The following BAZ2B variants were observed in gnomAD, a reference collection of about 807,000 sequenced individuals.
BAZ2B encodes the protein bromodomain adjacent to zinc finger domain 2B, also known as bromodomain adjacent to zinc finger domain protein 2B.
Under a neutral mutation model 246.0 loss-of-function variants are expected in BAZ2B, and 91 were observed. The observed-to-expected ratio is 0.37, with a 90% CI of 0.31 to 0.44. BAZ2B has a LOEUF of 0.44. Ranked by LOEUF, BAZ2B falls within the 20% of genes least tolerant of loss-of-function variation. BAZ2B has a pLI of 1.00. For synonymous variants in BAZ2B, 855 were observed against 860.0 expected, an observed-to-expected ratio of 0.99 and a Z score of 0.10; for missense variants, 2,332 against 2,533.7, an observed-to-expected ratio of 0.92 and a Z score of 1.71.
chr2:159,454,641 C>T (rs2075513791), intron 3 of BAZ2B, among the ~76,000 whole-genome samples: 1 of 152,178 alleles, frequency 6.6e-6, no homozygotes, highest in African/African-American at 2.4e-5. Flanking sequence ...TGTCATTATG[C>T]AGTGTATGAC....
At chr2:159,518,950 T>A (rs1333020215) in intron 2 of BAZ2B, among the ~76,000 whole-genome samples, 1 of 152,120 alleles carries the variant, frequency 6.6e-6, no homozygotes, top group African/African-American at 2.4e-5. Flanking sequence ...AAAAATAATT[T>A]TCAAAAATGC....
chr2:159,595,617 G>A (rs1262686866), intron 1 of BAZ2B, among the ~76,000 whole-genome samples: 7 of 152,134 alleles, frequency 4.6e-5, no homozygotes, highest in East Asian at 1.9e-4. Context: ...TAGTCACTTC[G>A]ACTAAAAGTT....
chr2:159,367,356 G>C (rs1205901200), intron 27 of BAZ2B, among the ~76,000 whole-genome samples: 1 of 152,048 alleles, frequency 6.6e-6, no homozygotes, highest in African/African-American at 2.4e-5. Flanking sequence ...AAACATTATT[G>C]TTATTAGCAC....
At chr2:159,403,104 T>C (rs1384544367) in intron 16 of BAZ2B, among the ~76,000 whole-genome samples, 1 of 152,140 alleles carries the variant, frequency 6.6e-6, no homozygotes, top group Non-Finnish European at 1.5e-5. Flanking sequence ...TCTGGTGATA[T>C]TTTTGGTCTA....
intron 3 of BAZ2B, among the ~76,000 whole-genome samples, chr2:159,468,295 G>A (rs1350189612): frequency 6.6e-6 from 1 of 151,784 alleles, no homozygotes; most frequent in Non-Finnish European, 1.5e-5. Flanking sequence ...AAAATTAGGG[G>A]GTAATCTTAG....
At chr2:159,659,726 C>T in the BAZ2B span, among the ~76,000 whole-genome samples, 8 of 152,168 alleles carry the variant, frequency 5.3e-5, no homozygotes, top group African/African-American at 1.2e-4. Context: ...TCTCACTATT[C>T]ATACCCAAAA....
At chr2:159,684,171 A>G in the BAZ2B span, among the ~76,000 whole-genome samples, 1 of 152,250 alleles carries the variant, frequency 6.6e-6, no homozygotes, top group Non-Finnish European at 1.5e-5. Flanking sequence ...GTATTACTGA[A>G]TAATTCCACT....
intron 33 of BAZ2B, among the ~76,000 whole-genome samples, chr2:159,335,438 T>C (rs1215986166): frequency 6.6e-6 from 1 of 151,324 alleles, no homozygotes; most frequent in Non-Finnish European, 1.5e-5. Context: ...TCCCAGCTAC[T>C]CGGGAGGCTG....
the BAZ2B span, among the ~76,000 whole-genome samples, chr2:159,692,718 A>G: frequency 6.6e-6 from 1 of 152,128 alleles, no homozygotes; most frequent in Non-Finnish European, 1.5e-5. Flanking sequence ...AAAAAAATCT[A>G]CAAATAAATG....
At chr2:159,381,564 T>A (rs779177255) in intron 25 of BAZ2B, among the ~76,000 whole-genome samples, 9 of 152,132 alleles carry the variant, frequency 5.9e-5, no homozygotes, top group African/African-American at 1.2e-4. Flanking sequence ...CCAACTACCA[T>A]TGCTCTAGTT....
At chr2:159,499,381 T>C (rs2081475465) in intron 2 of BAZ2B, among the ~76,000 whole-genome samples, 1 of 152,198 alleles carries the variant, frequency 6.6e-6, no homozygotes, top group African/African-American at 2.4e-5. Context: ...CTGCATAGTA[T>C]TCCATGGTGT....
chr2:159,453,898 C>T, intron 3 of BAZ2B, 97 bp from the exon 4 acceptor site: 1 of 1,082,958 alleles, frequency 9.2e-7, no homozygotes, highest in Non-Finnish European at 1.2e-6. Flanking sequence ...AATAATTTAC[C>T]TATTACATTT....
At chr2:159,325,115 T>TA (rs1205277055) in intron 35 of BAZ2B, among the ~76,000 whole-genome samples, 161 bp from the exon 36 acceptor site, 4 of 3,316 alleles carry the variant, frequency 1.2e-3, no homozygotes, top group African/African-American at 3.3e-3. Context: ...TATATATATA[T>TA]TTTATATATA....
chr2:159,509,894 C>T (rs936196090), intron 2 of BAZ2B, among the ~76,000 whole-genome samples: 1 of 151,652 alleles, frequency 6.6e-6, no homozygotes, highest in African/African-American at 2.4e-5. Context: ...TACATTTATA[C>T]ATACTAGTGT....
chr2:159,646,187 G>A, the BAZ2B span, among the ~76,000 whole-genome samples: 53 of 152,284 alleles, frequency 3.5e-4, no homozygotes, highest in East Asian at 2.1e-3. Context: ...CCTCAGGGGC[G>A]CATTCTCTTT....
chr2:159,644,363 G>A, the BAZ2B span, among the ~76,000 whole-genome samples: 1 of 152,196 alleles, frequency 6.6e-6, no homozygotes, highest in Admixed American at 6.5e-5. Context: ...GGAGATAAGT[G>A]TGTTTGGCTT....
chr2:159,395,082 T>C (rs2063826591), intron 20 of BAZ2B, among the ~76,000 whole-genome samples: 1 of 151,698 alleles, frequency 6.6e-6, no homozygotes, highest in Non-Finnish European at 1.5e-5. Flanking sequence ...ACCTAGGAGG[T>C]AGGTATCATC....
intron 1 of BAZ2B, among the ~76,000 whole-genome samples, chr2:159,604,329 C>T (rs2151779243): frequency 6.6e-6 from 1 of 152,016 alleles, no homozygotes; most frequent in South Asian, 2.1e-4. Context: ...GCTGGTCTCA[C>T]ACTCCTGGCC....
At chr2:159,532,392 T>A (rs544584635) in intron 2 of BAZ2B, among the ~76,000 whole-genome samples, 7 of 152,200 alleles carry the variant, frequency 4.6e-5, no homozygotes, top group Non-Finnish European at 8.8e-5. Flanking sequence ...TGAAAGTAAA[T>A]GTTCTCTACC....
Sources: gnomAD v4.1 joint callset for allele counts (sites outside exome capture counted in the v4.1 genomes callset) on GRCh38, gnomAD v4.1.1 for gene constraint, MANE v1.5 for transcripts, NCBI Gene and HGNC (gene_info 2026-07-23, HGNC 2026-07-21) for gene names.